The following KLF12 variants were observed in gnomAD, a reference collection of about 807,000 sequenced individuals.
The protein encoded by KLF12 is Krueppel-like factor 12.
In KLF12, 9 loss-of-function variants were observed where a neutral mutation model predicts 37.8. The observed-to-expected ratio is 0.24, with a 90% CI of 0.14 to 0.42. KLF12 has a LOEUF of 0.42. Among genes scored for constraint, KLF12 ranks in the 10% least tolerant of loss-of-function variants. The pLI is 1.00. For missense variants in KLF12, 411 were observed against 516.0 expected, an observed-to-expected ratio of 0.80 and a Z score of 1.97; for synonymous variants, 208 against 202.1, an observed-to-expected ratio of 1.03 and a Z score of -0.25.
chr13:74,018,522 T>A (rs556419432), intron 1 of KLF12, among the ~76,000 whole-genome samples: 2 of 152,224 alleles, frequency 1.3e-5, no homozygotes, highest in Non-Finnish European at 2.9e-5. Context: ...CTACGGTGTA[T>A]ATGTACTTCA....
At chr13:74,038,138 C>G (rs1297386372) in intron 1 of KLF12, among the ~76,000 whole-genome samples, 2 of 152,104 alleles carry the variant, frequency 1.3e-5, no homozygotes, top group Admixed American at 1.3e-4. Context: ...ATACCAATGT[C>G]AATTTCTTAG....
chr13:73,759,900 A>G (rs1279389834), intron 6 of KLF12, among the ~76,000 whole-genome samples: 6 of 152,200 alleles, frequency 3.9e-5, no homozygotes, highest in Non-Finnish European at 8.8e-5. Flanking sequence ...TCTGTTAAGG[A>G]AAAAGGTTTA....
chr13:74,219,716 C>T, the KLF12 span, among the ~76,000 whole-genome samples: 1 of 152,192 alleles, frequency 6.6e-6, no homozygotes, highest in African/African-American at 2.4e-5. Context: ...GGTATTTCTG[C>T]TGTGCATAGA....
At chr13:73,733,220 C>T (rs889988414) in intron 6 of KLF12, among the ~76,000 whole-genome samples, 1 of 152,184 alleles carries the variant, frequency 6.6e-6, no homozygotes, top group South Asian at 2.1e-4. Flanking sequence ...TACAGTCACA[C>T]TATTGTGTAA....
the KLF12 span, among the ~76,000 whole-genome samples, chr13:74,176,723 A>G: frequency 1.3e-5 from 2 of 152,104 alleles, no homozygotes; most frequent in Admixed American, 1.3e-4. Flanking sequence ...TCCTTGTCCA[A>G]TCTGAACTCA....
intron 2 of KLF12, among the ~76,000 whole-genome samples, chr13:73,978,479 C>T (rs78519554): frequency 0.025 from 3,768 of 152,262 alleles, 128 homozygotes; most frequent in East Asian, 0.12. Context: ...GCATGTGGAG[C>T]AACAAGGACT....
At chr13:74,147,603 T>C in the KLF12 span, among the ~76,000 whole-genome samples, 42 of 152,312 alleles carry the variant, frequency 2.8e-4, no homozygotes, top group African/African-American at 9.6e-4. Context: ...GGGACTTACG[T>C]ACCGCCCAGA....
intron 4 of KLF12, among the ~76,000 whole-genome samples, chr13:73,837,606 C>A (rs1481326639): frequency 6.6e-6 from 1 of 152,144 alleles, no homozygotes; most frequent in Non-Finnish European, 1.5e-5. Context: ...ATTTAACAAG[C>A]TCCTATCTTT....
At chr13:73,841,504 C>T (rs556979844) in intron 4 of KLF12, among the ~76,000 whole-genome samples, 22 of 152,128 alleles carry the variant, frequency 1.4e-4, no homozygotes, top group Non-Finnish European at 2.9e-4. Context: ...CCCACAGCTG[C>T]GGGTTGGGCA....
intron 2 of KLF12, among the ~76,000 whole-genome samples, chr13:73,972,317 C>A (rs757086890): frequency 6.6e-6 from 1 of 152,048 alleles, no homozygotes; most frequent in Admixed American, 6.6e-5. Context: ...TGTAAGTGTT[C>A]CATTAAAGAA....
the KLF12 span, among the ~76,000 whole-genome samples, chr13:74,196,323 A>G: frequency 1.2e-4 from 18 of 152,300 alleles, no homozygotes; most frequent in East Asian, 3.5e-3. Flanking sequence ...GAGCACCAGC[A>G]GGAGATCAGA....
the KLF12 span, among the ~76,000 whole-genome samples, chr13:74,274,939 A>G: frequency 6.6e-6 from 1 of 152,166 alleles, no homozygotes; most frequent in Non-Finnish European, 1.5e-5. Context: ...AAAATTTATT[A>G]ATCAGCAATC....
intron 1 of KLF12, among the ~76,000 whole-genome samples, chr13:74,010,534 C>A (rs1030716783): frequency 1.3e-5 from 2 of 152,164 alleles, no homozygotes; most frequent in African/African-American, 4.8e-5. Flanking sequence ...TTTTCACATC[C>A]ACAAATGGCT....
chr13:73,907,279 T>A (rs112545683), intron 3 of KLF12, among the ~76,000 whole-genome samples: 1 of 152,180 alleles, frequency 6.6e-6, no homozygotes, highest in South Asian at 2.1e-4. Flanking sequence ...TATGTCTACC[T>A]ATGGTGCCTC....
intron 1 of KLF12, among the ~76,000 whole-genome samples, chr13:74,066,504 A>G (rs1873924364): frequency 6.6e-6 from 1 of 152,066 alleles, no homozygotes; most frequent in Admixed American, 6.5e-5. Flanking sequence ...TCTACCAGAA[A>G]TCAAAAAAAT....
chr13:73,813,536 C>T (rs867369122), intron 4 of KLF12, among the ~76,000 whole-genome samples: 16 of 152,140 alleles, frequency 1.1e-4, no homozygotes, highest in Non-Finnish European at 1.3e-4. Flanking sequence ...ATAGAAACTA[C>T]GAAATCCACA....
chr13:74,064,056 A>T (rs1238092951), intron 1 of KLF12, among the ~76,000 whole-genome samples: 1 of 19,208 alleles, frequency 5.2e-5, no homozygotes, highest in Admixed American at 9.3e-4. Flanking sequence ...TTCCTCTAAA[A>T]GGGGTGCAAT....
the KLF12 span, among the ~76,000 whole-genome samples, chr13:74,213,967 T>C: frequency 2.0e-5 from 3 of 152,202 alleles, no homozygotes; most frequent in African/African-American, 7.2e-5. Flanking sequence ...ATTGTTTTAA[T>C]ATAATGTTTT....
intron 3 of KLF12, among the ~76,000 whole-genome samples, chr13:73,860,501 G>A (rs6562786): frequency 0.89 from 135,005 of 152,130 alleles, 61,309 homozygotes; most frequent in Non-Finnish European, 0.99. Context: ...TTAGGAGGCC[G>A]AGACCGAAGG....
Sources: allele counts gnomAD v4.1 joint callset (sites outside exome capture counted in the v4.1 genomes callset), GRCh38; gene constraint gnomAD v4.1.1; transcripts MANE v1.5; gene names NCBI Gene and HGNC (gene_info 2026-07-23, HGNC 2026-07-21).